DOCK2: variants seen among roughly 807,000 people sequenced by gnomAD.
DOCK2 encodes the protein dedicator of cytokinesis 2, also known as dedicator of cytokinesis protein 2.
In DOCK2, 87 loss-of-function variants were observed where a neutral mutation model predicts 248.9. The ratio of observed to expected loss-of-function variants is 0.35; its 90% CI spans 0.29 to 0.42. The LOEUF is 0.42. Among genes scored for constraint, DOCK2 ranks in the 10% least tolerant of loss-of-function variants. DOCK2 has a pLI of 1.00. For synonymous variants in DOCK2, 805 were observed against 821.6 expected (o/e 0.98, Z 0.35); for missense variants, 1,747 against 2,300.2 (o/e 0.76, Z 4.92).
chr5:170,000,363 T>A (rs1046848602), intron 30 of DOCK2: 4 of 152,230 alleles, frequency 2.6e-5, no homozygotes, highest in Admixed American at 2.0e-4. Flanking sequence ...CCCTGGTGAA[T>A]AAACTGAGCT....
intron 26 of DOCK2, among the ~76,000 whole-genome samples, chr5:169,811,547 G>C (rs1385691227): frequency 6.6e-6 from 1 of 152,208 alleles, no homozygotes; most frequent in Non-Finnish European, 1.5e-5. Context: ...GACCAAGGCT[G>C]CTTTGTTTTC....
At chr5:170,041,013 T>G in intron 36 of DOCK2, 42 bp from the exon 37 acceptor site, 1 of 1,576,890 alleles carries the variant, frequency 6.3e-7, no homozygotes. Context: ...TGTCTCCTTT[T>G]CACTGCACCT....
intron 29 of DOCK2, 66 bp downstream of exon 29, chr5:169,985,988 G>A: frequency 1.4e-6 from 2 of 1,422,322 alleles, no homozygotes; most frequent in Non-Finnish European, 1.9e-6. Flanking sequence ...CACTTATTTT[G>A]GGTTAAATTA....
chr5:169,776,176 T>A (rs1581172375), intron 25 of DOCK2, among the ~76,000 whole-genome samples: 2 of 147,114 alleles, frequency 1.4e-5, no homozygotes, highest in Non-Finnish European at 3.0e-5. Flanking sequence ...TTTATATAAA[T>A]ATATATATAT....
chr5:170,028,219 A>G (rs534051872), intron 34 of DOCK2, among the ~76,000 whole-genome samples: 23 of 152,242 alleles, frequency 1.5e-4, no homozygotes, highest in Non-Finnish European at 2.6e-4. Flanking sequence ...TACTTTCATT[A>G]CTTCTTAACT....
At chr5:169,693,777 C>T (rs994245682) in intron 9 of DOCK2, among the ~76,000 whole-genome samples, 8 of 152,234 alleles carry the variant, frequency 5.3e-5, no homozygotes, top group Non-Finnish European at 7.4e-5. Context: ...TATAAGTTTG[C>T]GATCCTAAAG....
intron 26 of DOCK2, among the ~76,000 whole-genome samples, chr5:169,830,719 A>G (rs915363644): frequency 6.6e-6 from 1 of 152,222 alleles, no homozygotes; most frequent in African/African-American, 2.4e-5. Context: ...AATAAAAACA[A>G]TGTTTTGCTT....
Position 169,814,080 on chromosome 5 carries a change from A to T in DOCK2, c.2703+10874A>T, listed in dbSNP as rs559152568. Among the ~76,000 whole-genome samples the T allele has an allele frequency of 1.8e-4, 28 of 152,348 alleles. No homozygotes were observed. The South Asian group carries it at 5.6e-3, about 30-fold the overall frequency. On this transcript the variant is annotated intron_variant, in intron 26 of 51. Transcript: ENST00000520908. ...AAGTCATGGACAAAAATCTGATAGG[A>T]AACAGGATATTTGCATAATCTCAAA... is the stretch of plus-strand genomic sequence containing the variant.
At chr5:169,708,131 C>A in intron 14 of DOCK2, 38 bp from the exon 15 acceptor site, 1 of 1,601,878 alleles carries the variant, frequency 6.2e-7, no homozygotes, top group South Asian at 1.1e-5. Flanking sequence ...AATGACAATT[C>A]TGTAGTCTTT....
rs139380961 is a variant in DOCK2 at position 169,725,753 on chromosome 5, G to A, written c.2267+6962G>A. On this transcript the variant is annotated intron_variant, in intron 22 of 51. Transcript: ENST00000520908. ...CTCTCACCTATGAGTGAGAACATGC[G>A]GTGTTTGGTTTTCTCTCCTTGCGAT... is the stretch of plus-strand genomic sequence containing the variant. 9.7e-4 allele frequency among the ~76,000 whole-genome samples: 147 copies of A among 151,836 alleles called. 1 individual carries two copies. Among genetic ancestry groups the A allele is most frequent in the African/African-American group, 3.3e-3 (138 of 41,404 alleles).
intron 27 of DOCK2, among the ~76,000 whole-genome samples, chr5:169,938,087 C>A (rs1776072934): frequency 6.6e-6 from 1 of 152,186 alleles, no homozygotes; most frequent in Non-Finnish European, 1.5e-5. Context: ...CTATTGTGTG[C>A]CTAACATGCA....
intron 25 of DOCK2, among the ~76,000 whole-genome samples, chr5:169,774,487 A>C (rs988715194): frequency 6.6e-6 from 1 of 152,240 alleles, no homozygotes; most frequent in African/African-American, 2.4e-5. Flanking sequence ...GTAACAGCAG[A>C]GACACCATTC....
At chr5:169,816,607 T>G (rs1768083054) in intron 26 of DOCK2, among the ~76,000 whole-genome samples, 1 of 152,312 alleles carries the variant, frequency 6.6e-6, no homozygotes, top group South Asian at 2.1e-4. Flanking sequence ...CACCAAACCT[T>G]CATGCTCTTT....
chr5:169,828,680 G>T (rs1561741863), intron 26 of DOCK2, among the ~76,000 whole-genome samples: 2 of 152,108 alleles, frequency 1.3e-5, no homozygotes, highest in Admixed American at 1.3e-4. Flanking sequence ...TTTTGTATGT[G>T]GTCAAGCTGT....
In DOCK2 at chr5:169,637,289, G is replaced by T; in HGVS notation, c.-38G>T. The T allele has an allele frequency of 7.0e-7, 1 of 1,436,874 alleles. No homozygotes were observed. Among genetic ancestry groups the T allele is most frequent in the African/African-American group, 1.5e-5 (1 of 67,448 alleles). The allele number at this position is 1,436,874 out of a possible 1,614,324, so 89.0% of individuals were successfully genotyped here. A position where few individuals can be genotyped will look rare whatever the true frequency, so the allele number is the denominator to read the frequency against. ...CTGCGGCGCCCAGCCACCCCCTGAC[G>T]GCTTCCCCACGGGAGGACGCGAGGC... is the stretch of plus-strand genomic sequence containing the variant. On this transcript the variant is annotated 5_prime_UTR_variant, in exon 1 of 52. Coordinates refer to ENST00000520908, the MANE Select transcript of DOCK2 (RefSeq NM_004946.3).
chr5:170,024,444 G>A (rs1755836344), intron 33 of DOCK2, among the ~76,000 whole-genome samples: 1 of 141,870 alleles, frequency 7.0e-6, no homozygotes, highest in Admixed American at 7.4e-5. Flanking sequence ...TTTGTAACAT[G>A]GGGATGATGA....
intron 25 of DOCK2, among the ~76,000 whole-genome samples, chr5:169,770,166 A>AT (rs1765007253): frequency 6.6e-6 from 1 of 152,118 alleles, no homozygotes; most frequent in South Asian, 2.1e-4. Flanking sequence ...TCTATTCATT[A>AT]TTTTTAATAA....
intron 26 of DOCK2, among the ~76,000 whole-genome samples, chr5:169,824,189 A>G (rs1768683347): frequency 6.6e-6 from 1 of 152,168 alleles, no homozygotes; most frequent in Non-Finnish European, 1.5e-5. Flanking sequence ...GAAAATGGCC[A>G]TACTGCCCAA....
chr5:169,995,148 C>A (rs952874658), intron 29 of DOCK2, among the ~76,000 whole-genome samples: 4 of 151,666 alleles, frequency 2.6e-5, no homozygotes, highest in African/African-American at 9.7e-5. Flanking sequence ...CATGCCTCAG[C>A]TTCCCAAGTA....
Sources: gnomAD v4.1 joint callset for allele counts (sites outside exome capture counted in the v4.1 genomes callset) on GRCh38, gnomAD v4.1.1 for gene constraint, MANE v1.5 for transcripts, NCBI Gene and HGNC (gene_info 2026-07-23, HGNC 2026-07-21) for gene names.